HNRNPR: variants seen among roughly 807,000 people sequenced by gnomAD.
The protein encoded by HNRNPR is heterogeneous nuclear ribonucleoprotein R.
Under a neutral mutation model 70.3 loss-of-function variants are expected in HNRNPR, and 4 were observed. That is an observed-to-expected ratio of 0.06 (90% CI 0.03 to 0.13). HNRNPR has a LOEUF of 0.13. Among genes scored for constraint, HNRNPR ranks in the 10% least tolerant of loss-of-function variants. HNRNPR has a pLI of 1.00. For synonymous variants in HNRNPR, 241 were observed against 267.6 expected, an observed-to-expected ratio of 0.90 and a Z score of 0.97; for missense variants, 423 against 788.5, an observed-to-expected ratio of 0.54 and a Z score of 5.55.
chr1:23,321,163 C>CAAAAA (rs58123581), intron 7 of HNRNPR, among the ~76,000 whole-genome samples: 1 of 98,192 alleles, frequency 1.0e-5, no homozygotes, highest in African/African-American at 4.5e-5. Flanking sequence ...AACTCCGTCT[C>CAAAAA]AAAAAAAAAA....
Position 23,305,827 on chromosome 1 carries a change from TA to T in HNRNPR, c.*4626del, listed in dbSNP as rs1445239570. ...ATGTTCAAGGTCTTAATATTTCAGCTATGTAATTTCCTCTTGACCCAAAGTC... is the reference window on the plus strand; with the variant it reads ...ATGTTCAAGGTCTTAATATTTCAGCTTGTAATTTCCTCTTGACCCAAAGTC... On this transcript the variant is annotated 3_prime_UTR_variant, in exon 11 of 11. Transcript: ENST00000302271. The T allele has an allele frequency of 1.3e-5, 2 of 152,238 alleles. No homozygotes were observed. Among genetic ancestry groups the T allele is most frequent in the Non-Finnish European group, 2.9e-5 (2 of 68,028 alleles). 9.4% of individuals were successfully genotyped at this position (152,238 alleles called of 1,614,324 possible).
chr1:23,340,786 T>G, intron 2 of HNRNPR, 66 bp downstream of exon 2: 1 of 1,289,352 alleles, frequency 7.8e-7, no homozygotes, highest in Non-Finnish European at 1.1e-6. Flanking sequence ...CTTAAAAAAC[T>G]ATAAAATTCA....
intron 6 of HNRNPR, 93 bp downstream of exon 6, chr1:23,323,463 G>T: frequency 1.7e-6 from 2 of 1,190,248 alleles, no homozygotes; most frequent in Non-Finnish European, 2.4e-6. Context: ...AACAACTGAA[G>T]AAATCAAAAT....
chr1:23,310,175 C>T lies in HNRNPR; in HGVS notation c.*279G>A, dbSNP rs1271773519. ...CAAAATCATGATTTAACAGTGTGCCCAGCTTGTTTTGAAGCTAAAATGAAG... is the reference window on the plus strand; with the variant it reads ...CAAAATCATGATTTAACAGTGTGCCTAGCTTGTTTTGAAGCTAAAATGAAG... On this transcript the variant is annotated 3_prime_UTR_variant, in exon 11 of 11. Transcript: ENST00000302271. This position sits in a 1 kb window ranked among gnomAD's most constrained non-coding sequence, Gnocchi z 6.0. 4 of 280,094 alleles carry T rather than the reference C, an allele frequency of 1.4e-5. No individual in the cohort carries two copies. Among genetic ancestry groups the T allele is most frequent in the Non-Finnish European group, 2.6e-5 (4 of 151,178 alleles). The allele number at this position is 280,094 out of a possible 1,614,324, so 17.4% of individuals were successfully genotyped here.
intron 5 of HNRNPR, among the ~76,000 whole-genome samples, chr1:23,331,491 G>A (rs1372615488): frequency 6.6e-6 from 1 of 151,460 alleles, no homozygotes; most frequent in Admixed American, 6.6e-5. Flanking sequence ...AGACCAGCCT[G>A]ACCAACATGG....
chr1:23,325,044 G>A (rs1364183573), intron 5 of HNRNPR, among the ~76,000 whole-genome samples: 1 of 151,978 alleles, frequency 6.6e-6, no homozygotes, highest in Non-Finnish European at 1.5e-5. Flanking sequence ...GGAGGCTGAG[G>A]CAGGAGAATG....
chr1:23,341,024 G>A lies in HNRNPR; in HGVS notation c.-9-7C>T. On this transcript the variant is annotated splice_polypyrimidine_tract_variant and splice_region_variant and intron_variant, in intron 1 of 10. Transcript: ENST00000302271. ...GATTAGCCATTTTATTATGCTGCTG[G>A]AAAAAATTCAGGAGCTATATTACAT... 1 of 1,597,608 alleles carries A rather than the reference G, an allele frequency of 6.3e-7. No homozygotes were observed. Among genetic ancestry groups the A allele is most frequent in the Non-Finnish European group, 8.5e-7 (1 of 1,173,810 alleles).
chr1:23,336,571 C>CAAA (rs869203047), intron 4 of HNRNPR, among the ~76,000 whole-genome samples: 8 of 41,182 alleles, frequency 1.9e-4, no homozygotes, highest in African/African-American at 1.9e-4. Flanking sequence ...GACTCCGTCT[C>CAAA]AAAAAAAAAA....
chr1:23,333,027 A>G (rs374805340), intron 5 of HNRNPR, among the ~76,000 whole-genome samples: 7 of 152,034 alleles, frequency 4.6e-5, no homozygotes, highest in African/African-American at 1.7e-4. Flanking sequence ...CCACTAAAAT[A>G]CAAAATTAGC....
intron 5 of HNRNPR, among the ~76,000 whole-genome samples, chr1:23,332,444 T>C (rs1476806066): frequency 6.6e-6 from 1 of 150,574 alleles, no homozygotes; most frequent in East Asian, 1.9e-4. Context: ...GGCTCACGCC[T>C]GTAATCCCAG....
rs781718337 is a variant in HNRNPR, at chr1:23,340,976, C to G, written c.33G>C (p.Gln11His). 50 of 1,613,384 alleles carry G rather than the reference C, an allele frequency of 3.1e-5. 1 individual carries two copies. In the South Asian group the frequency reaches 5.3e-4, roughly 17 times the overall value. Residue 11 changes from glutamine (Q) to histidine (H), a missense_variant, in exon 2 of 11, where the codon CAG becomes CAC. Transcript: ENST00000302271. MANQVNGNAV[Q>H]LKEEEEPMDT... The stretch of plus-strand genomic sequence containing the variant: ...CCATTGGTTCTTCCTCTTCTTTTAA[C>G]TGTACCGCATTACCATTCACCTGAT...
At chr1:23,313,731 C>T (rs369063527) in intron 8 of HNRNPR, 29 bp from the exon 9 acceptor site, 1 of 1,590,278 alleles carries the variant, frequency 6.3e-7, no homozygotes, top group African/African-American at 1.4e-5. Flanking sequence ...ACAAAACCGT[C>T]ATTGGCTACT....
At chr1:23,335,351 A>G (rs1646427096) in intron 4 of HNRNPR, among the ~76,000 whole-genome samples, 1 of 152,236 alleles carries the variant, frequency 6.6e-6, no homozygotes, top group South Asian at 2.1e-4. Flanking sequence ...ACAGAGCCAT[A>G]AATGTAATAT....
chr1:23,333,379 C>G (rs576351142), intron 5 of HNRNPR, 139 bp downstream of exon 5: 1 of 574,906 alleles, frequency 1.7e-6, no homozygotes, highest in African/African-American at 1.9e-5. Flanking sequence ...CAGCAAAATA[C>G]AAATGGATAT....
intron 7 of HNRNPR, among the ~76,000 whole-genome samples, chr1:23,320,891 G>A (rs1399212761): frequency 6.6e-6 from 1 of 152,122 alleles, no homozygotes; most frequent in Non-Finnish European, 1.5e-5. Context: ...GATCAGCCAG[G>A]CACTGTGGCT....
chr1:23,307,347 T>C lies in HNRNPR; in HGVS notation c.*3107A>G, dbSNP rs1249740404. 1 of 152,076 alleles carries C rather than the reference T, an allele frequency of 6.6e-6. No individual in the cohort carries two copies. Among genetic ancestry groups the C allele is most frequent in the Non-Finnish European group, 1.5e-5 (1 of 67,950 alleles). 9.4% of individuals were successfully genotyped at this position (152,076 alleles called of 1,614,324 possible). ...ATTTTATGTCCCTTCTCTTTTAGAA[T>C]TTAAAATATATAATTTATTTTTTTG... On this transcript the variant is annotated 3_prime_UTR_variant, in exon 11 of 11. Coordinates refer to ENST00000302271, the MANE Select transcript of HNRNPR (RefSeq NM_005826.5).
Position 23,337,844 on chromosome 1 carries a change from T to G in HNRNPR, c.294A>C (p.Leu98Phe). The G allele has an allele frequency of 6.2e-7, 1 of 1,609,790 alleles. No homozygotes were observed. Among genetic ancestry groups the G allele is most frequent in the Non-Finnish European group, 8.5e-7 (1 of 1,176,990 alleles). Residue 98 changes from leucine (L) to phenylalanine (F), a missense_variant, in exon 4 of 11, where the codon TTA (leucine) becomes TTC (phenylalanine). By Grantham distance (22) the Leu-to-Phe change is conservative (BLOSUM62 0). Coordinates refer to ENST00000302271, the MANE Select transcript of HNRNPR (RefSeq NM_005826.5). Reference protein sequence around the residue: ...LSHVQNKSAFLCGVMKTYRQR... With the variant: ...LSHVQNKSAFFCGVMKTYRQR... ...GCCTGTAGGTCTTCATAACTCCACA[T>G]AAAAATGCACTTTTGTTCTAGAACA... is the stretch of plus-strand genomic sequence containing the variant.
Position 23,315,291 on chromosome 1 carries a change from A to C in HNRNPR, c.1018-1589T>G, listed in dbSNP as rs566249448. Among the ~76,000 whole-genome samples, 18 of 150,804 alleles carry C rather than the reference A, an allele frequency of 1.2e-4. No homozygotes were observed. In the East Asian group the frequency reaches 2.7e-3, roughly 23 times the overall value. ...CAAGGCTCCGTCTCAAAAAAAAAAA[A>C]AAAAAAAAAAAAAACAAAAACCCAA... On this transcript the variant is annotated intron_variant, in intron 8 of 10. Coordinates refer to ENST00000302271, the MANE Select transcript of HNRNPR (RefSeq NM_005826.5).
chr1:23,328,923 A>T (rs1646108585), intron 5 of HNRNPR, among the ~76,000 whole-genome samples: 1 of 152,188 alleles, frequency 6.6e-6, no homozygotes, highest in South Asian at 2.1e-4. Flanking sequence ...GTTTGAGACC[A>T]GGCTGAGCAA....
Sources: allele counts gnomAD v4.1 joint callset (sites outside exome capture counted in the v4.1 genomes callset), GRCh38; gene constraint gnomAD v4.1.1; non-coding constraint Gnocchi (gnomAD v3.1); transcripts MANE v1.5; gene names NCBI Gene and HGNC (gene_info 2026-07-23, HGNC 2026-07-21).